Variants in SMAD2 observed in about 807,000 individuals in gnomAD.
SMAD2 encodes MAD homolog 2.
In SMAD2, 8 loss-of-function variants were observed where a neutral mutation model predicts 64.4. The ratio of observed to expected loss-of-function variants is 0.12; its 90% CI spans 0.07 to 0.22. The LOEUF is 0.22. SMAD2 is among the 10% of genes least tolerant of loss of function. The pLI, the probability that SMAD2 is intolerant of heterozygous loss-of-function variation, is 1.00. For missense variants in SMAD2, 289 were observed against 561.2 expected (o/e 0.51, Z 4.90); for synonymous variants, 203 against 195.8 (o/e 1.04, Z -0.31).
chr18:47,849,027 T>C (rs1178200399), intron 7 of SMAD2, among the ~76,000 whole-genome samples: 3 of 152,212 alleles, frequency 2.0e-5, no homozygotes, highest in Non-Finnish European at 4.4e-5. Context: ...CAACTTGCCA[T>C]ACTTGGTGCA....
At chr18:47,905,467 A>C in intron 1 of SMAD2, among the ~76,000 whole-genome samples, 1 of 152,148 alleles carries the variant, frequency 6.6e-6, no homozygotes, top group Non-Finnish European at 1.5e-5. Flanking sequence ...ACAAAAAAAA[A>C]AACTAGAATA....
At chr18:47,846,759 C>T (rs996910111) in intron 8 of SMAD2, among the ~76,000 whole-genome samples, 2 of 152,036 alleles carry the variant, frequency 1.3e-5, no homozygotes, top group African/African-American at 2.4e-5. Context: ...TCAATTTTGG[C>T]CTTGTTAAAC....
chr18:47,897,878 G>A (rs566744892), intron 1 of SMAD2, among the ~76,000 whole-genome samples: 22 of 152,224 alleles, frequency 1.4e-4, no homozygotes, highest in African/African-American at 4.8e-4. Flanking sequence ...ATAGGAAAAA[G>A]GAAAATGAAT....
At chr18:47,847,584 C>T (rs905881276) in intron 8 of SMAD2, among the ~76,000 whole-genome samples, 8 of 145,620 alleles carry the variant, frequency 5.5e-5, no homozygotes, top group Admixed American at 4.9e-4. Context: ...AAATCAAATC[C>T]ATTACATATT....
At chr18:47,867,939 G>C (rs1036286045) in intron 5 of SMAD2, among the ~76,000 whole-genome samples, 2 of 152,126 alleles carry the variant, frequency 1.3e-5, no homozygotes, top group African/African-American at 4.8e-5. Flanking sequence ...AAGAAAAAGT[G>C]ATCATTGGGT....
At chr18:47,898,838 G>A (rs746842585) in intron 1 of SMAD2, among the ~76,000 whole-genome samples, 51 of 151,916 alleles carry the variant, frequency 3.4e-4, no homozygotes, top group Non-Finnish European at 6.3e-4. Context: ...GGAAATATTT[G>A]CACTTCCTTG....
chr18:47,873,042 T>C (rs982525951), intron 2 of SMAD2, among the ~76,000 whole-genome samples: 1 of 152,170 alleles, frequency 6.6e-6, no homozygotes, highest in African/African-American at 2.4e-5. Flanking sequence ...TAACACTTTT[T>C]GTAGAGACAA....
rs1913223447 is a variant in SMAD2 at position 47,834,490 on chromosome 18, A to T, written c.*7337T>A. The T allele has an allele frequency of 9.8e-6, 2 of 203,912 alleles. No individual in the cohort carries two copies. The highest frequency in any genetic ancestry group is 3.8e-4 in the South Asian group (2 of 5,274). The allele number at this position is 203,912 out of a possible 1,614,324, so 12.6% of individuals were successfully genotyped here. ...CTTTAGGGCAGCTGGTCACCCTGAG[A>T]ACACTACCCACTCGTTCCTTAATAT... is the stretch of plus-strand genomic sequence containing the variant. On this transcript the variant is annotated 3_prime_UTR_variant, in exon 11 of 11. Transcript: ENST00000262160.
rs1399898069 is a variant in SMAD2, at chr18:47,824,809, T to C, written c.*17018A>G. The stretch of plus-strand genomic sequence containing the variant: ...AACTTAAATAGACTAATAACACAGA[T>C]CTTCTGTGGTCCACAAATCATGGCA... On this transcript the variant is annotated 3_prime_UTR_variant, in exon 11 of 11. Coordinates refer to ENST00000262160, the MANE Select transcript of SMAD2 (RefSeq NM_005901.6). 6.6e-6 allele frequency: 1 copy of C among 152,210 alleles called. No homozygotes were observed. The allele number at this position is 152,210 out of a possible 1,614,324, so 9.4% of individuals were successfully genotyped here. A position where few individuals can be genotyped will look rare whatever the true frequency, so the allele number is the denominator to read the frequency against.
chr18:47,871,853 C>A (rs1178207660), intron 2 of SMAD2, among the ~76,000 whole-genome samples: 2 of 147,898 alleles, frequency 1.4e-5, no homozygotes, highest in Non-Finnish European at 1.5e-5. Flanking sequence ...GTTTAAATCA[C>A]AACAGAATCA....
intron 2 of SMAD2, among the ~76,000 whole-genome samples, chr18:47,877,695 C>T (rs1337710134): frequency 6.6e-6 from 1 of 152,094 alleles, no homozygotes; most frequent in Non-Finnish European, 1.5e-5. Context: ...CCAGTCTCTT[C>T]CCCATATTTT....
At position 47,838,371 on chromosome 18, in the gene SMAD2, T is replaced by C; in HGVS notation, c.*3456A>G. ...TTCCTTCTGCCAAAGTGACAGGTCC[T>C]GAGGAAAAAAAACACAACCTCTACA... On this transcript the variant is annotated 3_prime_UTR_variant, in exon 11 of 11. Transcript: ENST00000262160. 1 of 233,180 alleles carries C rather than the reference T, an allele frequency of 4.3e-6. No individual in the cohort carries two copies. The highest frequency in any genetic ancestry group is 2.2e-5 in the African/African-American group (1 of 45,424). 14.4% of individuals were successfully genotyped at this position (233,180 alleles called of 1,614,324 possible). A position where few individuals can be genotyped will look rare whatever the true frequency, so the allele number is the denominator to read the frequency against.
In SMAD2 at chr18:47,810,729, G is replaced by T. The variant is rs1224207281; in HGVS notation, c.*31098C>A. ...GTGGGAGGATCACTTGGGCCCAGGA[G>T]TTTAAGACCAGGCTGGGCAACACAG... On this transcript the variant is annotated 3_prime_UTR_variant, in exon 11 of 11. Transcript: ENST00000262160. 2 of 151,928 alleles carry T rather than the reference G, an allele frequency of 1.3e-5. No homozygotes were observed. Among genetic ancestry groups the T allele is most frequent in the African/African-American group, 2.4e-5 (1 of 41,340 alleles). The allele number at this position is 151,928 out of a possible 1,614,324, so 9.4% of individuals were successfully genotyped here.
intron 1 of SMAD2, among the ~76,000 whole-genome samples, chr18:47,927,567 A>G (rs2034814844): frequency 6.6e-6 from 1 of 152,226 alleles, no homozygotes; most frequent in South Asian, 2.1e-4. Context: ...ACACAGAAAA[A>G]GCTGTTTGTT....
chr18:47,928,499 TC>T (rs1443631510), intron 1 of SMAD2, among the ~76,000 whole-genome samples: 1 of 152,188 alleles, frequency 6.6e-6, no homozygotes, highest in African/African-American at 2.4e-5. Context: ...CAACCTTTGT[TC>T]CTACTAAAGT....
chr18:47,901,995 G>C lies in SMAD2; in HGVS notation c.-53-5186C>G, dbSNP rs765798635. On this transcript the variant is annotated intron_variant, in intron 1 of 10. Transcript: ENST00000262160. ...TTGTTCTCAAGTCGCTTCCCCTAGA[G>C]AATCTTTATCTCAACACCATAGGAC... Among the ~76,000 whole-genome samples the C allele has an allele frequency of 3.3e-5, 5 of 152,108 alleles. No individual in the cohort carries two copies. The South Asian group carries it at 1.0e-3, about 31-fold the overall frequency.
At chr18:47,879,495 C>CGTGTGTGTGT (rs58440360) in intron 2 of SMAD2, among the ~76,000 whole-genome samples, 16,789 of 141,250 alleles carry the variant, frequency 0.12, 1,072 homozygotes, top group East Asian at 0.17. Context: ...ATGTATATGA[C>CGTGTGTGTGT]GTGTGTGTGT....
chr18:47,879,091 C>T (rs542196017), intron 2 of SMAD2, among the ~76,000 whole-genome samples: 73 of 152,232 alleles, frequency 4.8e-4, no homozygotes, highest in Non-Finnish European at 8.7e-4. Flanking sequence ...TGCACTCACT[C>T]CATCTTGAAT....
intron 2 of SMAD2, among the ~76,000 whole-genome samples, chr18:47,889,129 A>C (rs2033059891): frequency 6.6e-6 from 1 of 152,230 alleles, no homozygotes; most frequent in African/African-American, 2.4e-5. Context: ...AAAGGAAATG[A>C]AAACAACAGA....
Sources: gnomAD v4.1 joint callset for allele counts (sites outside exome capture counted in the v4.1 genomes callset) on GRCh38, gnomAD v4.1.1 for gene constraint, MANE v1.5 for transcripts, NCBI Gene and HGNC (gene_info 2026-07-23, HGNC 2026-07-21) for gene names.